The following DPYD variants were observed in gnomAD, a reference collection of about 807,000 sequenced individuals.
DPYD encodes dihydropyrimidine dehydrogenase [NADP(+)].
In DPYD, 109 loss-of-function variants were observed where a neutral mutation model predicts 116.2. The ratio of observed to expected loss-of-function variants is 0.94; its 90% confidence interval spans 0.80 to 1.10. DPYD has a LOEUF of 1.10. Ranked by LOEUF, DPYD falls within the 50% of genes least tolerant of loss-of-function variation. DPYD has a pLI of 0.00. For missense variants in DPYD, 1,302 were observed against 1,254.5 expected, an observed-to-expected ratio of 1.04 and a Z score of -0.57; for synonymous variants, 440 against 432.0, an observed-to-expected ratio of 1.02 and a Z score of -0.23.
In DPYD at chr1:97,740,449, C is replaced by G; in HGVS notation, c.264G>C (p.Gln88His). ...TATCAAGATTAGTTGGACAGCTCTT[C>G]TGACACGGGGCATCTGCACATTTCA... Reference protein sequence around the residue: ...RCLKCADAPCQKSCPTNLDIK... With the variant: ...RCLKCADAPCHKSCPTNLDIK... The change falls in exon 4 of 23, where the codon CAG becomes CAC. Residue 88 changes from glutamine to histidine, a missense_variant. By Grantham distance (24) the Gln-to-His change is conservative. Transcript: ENST00000370192. 16 of 1,613,170 alleles carry G rather than the reference C, an allele frequency of 9.9e-6. No homozygotes were observed. The highest frequency in any genetic ancestry group is 1.3e-5 in the Non-Finnish European group (15 of 1,179,504).
rs897785783 is a variant in DPYD at position 97,808,876 on chromosome 1, T to G, written c.233+19238A>C. On this transcript the variant is annotated intron_variant, in intron 3 of 22. Transcript: ENST00000370192. ...ACTTTAAGTGACTCTTTCACTGCAT[T>G]TGAAAAGTTTTCATGTTTAATTTCA... Among the ~76,000 whole-genome samples, 47 of 152,126 alleles carry G rather than the reference T, an allele frequency of 3.1e-4. 1 individual carries two copies. Among genetic ancestry groups the G allele is most frequent in the Admixed American group, 3.0e-3 (46 of 15,264 alleles).
At chr1:97,453,081 C>T (rs1178313818) in intron 13 of DPYD, among the ~76,000 whole-genome samples, 1 of 152,016 alleles carries the variant, frequency 6.6e-6, no homozygotes, top group Non-Finnish European at 1.5e-5. Flanking sequence ...TGGATAGATC[C>T]CTGAACCAAA....
intron 6 of DPYD, among the ~76,000 whole-genome samples, chr1:97,698,158 A>G (rs1290443251): frequency 6.6e-6 from 1 of 151,938 alleles, no homozygotes; most frequent in African/African-American, 2.4e-5. Context: ...GTGGAACATC[A>G]GTACAGAAGA....
chr1:97,760,181 G>A (rs1370947854), intron 3 of DPYD, among the ~76,000 whole-genome samples: 3 of 152,112 alleles, frequency 2.0e-5, no homozygotes, highest in African/African-American at 7.2e-5. Context: ...AGAGAGGGTA[G>A]CTGGAATGAA....
At chr1:97,505,912 T>C (rs1194383762) in intron 13 of DPYD, among the ~76,000 whole-genome samples, 3 of 151,894 alleles carry the variant, frequency 2.0e-5, no homozygotes, top group Admixed American at 6.6e-5. Flanking sequence ...AAAAGGGCAA[T>C]GGGCTTAGCT....
intron 4 of DPYD, among the ~76,000 whole-genome samples, chr1:97,736,887 T>TGC (rs397980945): frequency 6.8e-6 from 1 of 147,220 alleles, no homozygotes; most frequent in Non-Finnish European, 1.5e-5. Context: ...TGTGTGTGTG[T>TGC]AGGGCTTTAT....
chr1:97,080,757 T>C (rs1649096115), intron 22 of DPYD, among the ~76,000 whole-genome samples: 1 of 152,170 alleles, frequency 6.6e-6, no homozygotes, highest in Non-Finnish European at 1.5e-5. Context: ...TATAAAACTT[T>C]ATGTTCAATT....
chr1:97,525,517 A>G (rs912507581), intron 12 of DPYD, among the ~76,000 whole-genome samples: 1 of 152,136 alleles, frequency 6.6e-6, no homozygotes, highest in African/African-American at 2.4e-5. Context: ...GATACTCAAC[A>G]TATTTACTGA....
At chr1:97,886,317 T>C (rs1159357562) in intron 1 of DPYD, among the ~76,000 whole-genome samples, 1 of 152,028 alleles carries the variant, frequency 6.6e-6, no homozygotes, top group East Asian at 1.9e-4. Context: ...CTCTCCCCCA[T>C]GCTACACAGA....
intron 12 of DPYD, among the ~76,000 whole-genome samples, chr1:97,517,086 T>A (rs746900496): frequency 6.6e-6 from 1 of 152,096 alleles, no homozygotes; most frequent in Non-Finnish European, 1.5e-5. Context: ...CCACTTACAA[T>A]GCAAAGCAAA....
At position 97,593,232 on chromosome 1, in the gene DPYD, C is replaced by G; in HGVS notation, c.1114G>C (p.Ala372Pro). The G allele has an allele frequency of 1.2e-6, 2 of 1,614,082 alleles. No individual in the cohort carries two copies. The highest frequency in any genetic ancestry group is 1.7e-6 in the Non-Finnish European group (2 of 1,179,998). Reference protein sequence around the residue: ...VFRKGFVNIRAVPEEMELAKE... With the variant: ...VFRKGFVNIRPVPEEMELAKE... ...TTCCATTTTACCTCCTCAGGGACAG[C>G]TCTTATATTAACAAAGCCTTTTCTG... The change falls in exon 10 of 23, where the codon GCT becomes CCT. Residue 372 changes from alanine to proline, a missense_variant. By Grantham distance (27) the Ala-to-Pro change is conservative. Coordinates refer to ENST00000370192, the MANE Select transcript of DPYD (RefSeq NM_000110.4).
intron 14 of DPYD, among the ~76,000 whole-genome samples, chr1:97,412,106 C>T (rs992408354): frequency 1.3e-5 from 2 of 152,148 alleles, no homozygotes; most frequent in African/African-American, 4.8e-5. Flanking sequence ...TTCAACTAGT[C>T]ATTTCATAAT....
At chr1:97,169,398 C>T (rs1021744539) in intron 20 of DPYD, among the ~76,000 whole-genome samples, 1 of 152,072 alleles carries the variant, frequency 6.6e-6, no homozygotes, top group East Asian at 1.9e-4. Flanking sequence ...ATTCTCTTTA[C>T]ATTTTGTCTT....
chr1:97,254,906 T>C (rs2100824850), intron 18 of DPYD, among the ~76,000 whole-genome samples: 1 of 152,264 alleles, frequency 6.6e-6, no homozygotes, highest in East Asian at 1.9e-4. Context: ...GAAGTTTTGA[T>C]GCTAGAGCTT....
At chr1:97,354,410 C>CA (rs1215718745) in intron 16 of DPYD, among the ~76,000 whole-genome samples, 3 of 151,454 alleles carry the variant, frequency 2.0e-5, no homozygotes, top group African/African-American at 7.3e-5. Context: ...ACGCAAAATG[C>CA]AAAAAATGCT....
At chr1:97,612,046 G>C (rs1226806506) in intron 8 of DPYD, among the ~76,000 whole-genome samples, 2 of 151,940 alleles carry the variant, frequency 1.3e-5, no homozygotes. Context: ...TGTGTAATCT[G>C]GGACATAATG....
chr1:97,854,754 G>A (rs1670735242), intron 2 of DPYD, among the ~76,000 whole-genome samples: 1 of 152,138 alleles, frequency 6.6e-6, no homozygotes. Context: ...CCCTGCTTAT[G>A]TACATTCAAG....
intron 13 of DPYD, among the ~76,000 whole-genome samples, chr1:97,493,165 C>T (rs1679063437): frequency 6.6e-6 from 1 of 152,168 alleles, no homozygotes; most frequent in African/African-American, 2.4e-5. Flanking sequence ...AAGGAATATG[C>T]TCTAGCAAGA....
chr1:97,648,460 C>T (rs67086927), intron 8 of DPYD, among the ~76,000 whole-genome samples: 26,028 of 151,564 alleles, frequency 0.17, 2,596 homozygotes, highest in African/African-American at 0.28. Flanking sequence ...GGGAATAAAC[C>T]TGGATTTCCT....
Sources: allele counts gnomAD v4.1 joint callset (sites outside exome capture counted in the v4.1 genomes callset), GRCh38; gene constraint gnomAD v4.1.1; transcripts MANE v1.5; gene names NCBI Gene and HGNC (gene_info 2026-07-23, HGNC 2026-07-21).